The following RBMS3 variants were observed in gnomAD, a reference collection of about 807,000 sequenced individuals.
RBMS3 encodes RNA binding motif single stranded interacting protein 3.
Under a neutral mutation model 66.8 loss-of-function variants are expected in RBMS3, and 27 were observed. The observed-to-expected ratio is 0.40, with a 90% CI of 0.30 to 0.56. The LOEUF is 0.56. Ranked by LOEUF, RBMS3 falls within the 20% of genes least tolerant of loss-of-function variation. RBMS3 has a pLI of 0.40. For missense variants in RBMS3, 513 were observed against 549.5 expected, an observed-to-expected ratio of 0.93 and a Z score of 0.66; for synonymous variants, 188 against 183.0, an observed-to-expected ratio of 1.03 and a Z score of -0.22.
intron 12 of RBMS3, among the ~76,000 whole-genome samples, chr3:29,951,863 A>G (rs1213168023): frequency 2.0e-5 from 3 of 151,744 alleles, no homozygotes; most frequent in African/African-American, 7.2e-5. Context: ...ATGCACAGTG[A>G]AAAGATGACA....
At chr3:29,996,797 T>C (rs897552691) in intron 14 of RBMS3, among the ~76,000 whole-genome samples, 6 of 152,102 alleles carry the variant, frequency 3.9e-5, no homozygotes, top group Non-Finnish European at 8.8e-5. Context: ...TAGCACTAAA[T>C]GCCCACAAGA....
At chr3:29,505,988 G>A (rs2044168549) in intron 3 of RBMS3, among the ~76,000 whole-genome samples, 2 of 151,556 alleles carry the variant, frequency 1.3e-5, no homozygotes, top group South Asian at 2.1e-4. Flanking sequence ...AATTTTTTAG[G>A]CTACATTATA....
chr3:29,704,255 C>T (rs1406176792), intron 4 of RBMS3, among the ~76,000 whole-genome samples: 1 of 152,208 alleles, frequency 6.6e-6, no homozygotes, highest in Admixed American at 6.5e-5. Flanking sequence ...AAACTGGTCC[C>T]TGGTGCCGTA....
intron 3 of RBMS3, among the ~76,000 whole-genome samples, chr3:29,570,011 T>C: frequency 6.6e-6 from 1 of 152,046 alleles, no homozygotes; most frequent in Non-Finnish European, 1.5e-5. Flanking sequence ...TAAAATTGTA[T>C]GTATAATCTG....
chr3:29,848,503 G>A (rs762708838), intron 6 of RBMS3, among the ~76,000 whole-genome samples: 4 of 152,184 alleles, frequency 2.6e-5, no homozygotes, highest in Non-Finnish European at 5.9e-5. Context: ...CAACAAAAAA[G>A]TCCAGGGGGT....
At chr3:29,938,024 T>C (rs1208325508) in intron 11 of RBMS3, among the ~76,000 whole-genome samples, 1 of 151,936 alleles carries the variant, frequency 6.6e-6, no homozygotes, top group Non-Finnish European at 1.5e-5. Context: ...ATAGAAACTC[T>C]TTAAAATTTT....
chr3:29,568,084 G>C (rs1023356724), intron 3 of RBMS3, among the ~76,000 whole-genome samples: 1 of 152,108 alleles, frequency 6.6e-6, no homozygotes, highest in Non-Finnish European at 1.5e-5. Context: ...TGCATAAAAT[G>C]TTCACTGGAA....
At chr3:29,384,295 A>G (rs1252547890) in intron 1 of RBMS3, among the ~76,000 whole-genome samples, 2 of 152,116 alleles carry the variant, frequency 1.3e-5, no homozygotes, top group Non-Finnish European at 2.9e-5. Flanking sequence ...CAGCCTGGGC[A>G]TCAGAGTGAG....
At chr3:29,573,933 T>A (rs1347678555) in intron 3 of RBMS3, among the ~76,000 whole-genome samples, 1 of 152,216 alleles carries the variant, frequency 6.6e-6, no homozygotes, top group Admixed American at 6.5e-5. Flanking sequence ...ATACTTGATA[T>A]TTTTTCCATT....
intron 10 of RBMS3, among the ~76,000 whole-genome samples, chr3:29,934,660 T>C (rs2061219381): frequency 6.6e-6 from 1 of 152,120 alleles, no homozygotes; most frequent in African/African-American, 2.4e-5. Flanking sequence ...ATTTACAAGC[T>C]ACAGACCTTT....
chr3:29,555,449 A>G (rs62236001), intron 3 of RBMS3, among the ~76,000 whole-genome samples: 3 of 152,302 alleles, frequency 2.0e-5, no homozygotes, highest in Non-Finnish European at 4.4e-5. Context: ...CTGGAAATCC[A>G]AACTTAAATG....
intron 6 of RBMS3, among the ~76,000 whole-genome samples, chr3:29,813,455 C>T (rs570066174): frequency 3.3e-5 from 5 of 152,134 alleles, no homozygotes; most frequent in Admixed American, 1.3e-4. Context: ...ATTGACTTGG[C>T]GATGCGGGCT....
At chr3:29,824,915 A>G (rs2058167805) in intron 6 of RBMS3, among the ~76,000 whole-genome samples, 1 of 152,140 alleles carries the variant, frequency 6.6e-6, no homozygotes, top group Admixed American at 6.6e-5. Context: ...TTTTATCATC[A>G]CTTGGGTTTT....
chr3:29,517,637 A>G lies in RBMS3; in HGVS notation c.307+29138A>G, dbSNP rs1336787792. 2.0e-5 allele frequency among the ~76,000 whole-genome samples: 3 copies of G among 152,134 alleles called. No individual in the cohort carries two copies. The East Asian group carries it at 5.8e-4, about 29-fold the overall frequency. ...CGCGCCCGGCCCTACATGATCTCAT[A>G]TTCTTGCAGAGACAGTTGTCTACTG... is the stretch of plus-strand genomic sequence containing the variant. On this transcript the variant is annotated intron_variant, in intron 3 of 14. Coordinates refer to ENST00000383767, the MANE Select transcript of RBMS3 (RefSeq NM_001003793.3).
chr3:29,967,520 C>G (rs1423542788), intron 12 of RBMS3, among the ~76,000 whole-genome samples: 1 of 152,128 alleles, frequency 6.6e-6, no homozygotes, highest in Non-Finnish European at 1.5e-5. Flanking sequence ...TGGTCTTGAT[C>G]TCCTGACCTC....
At chr3:29,329,538 A>G (rs962002303) in intron 1 of RBMS3, among the ~76,000 whole-genome samples, 2 of 152,226 alleles carry the variant, frequency 1.3e-5, no homozygotes, top group East Asian at 3.9e-4. Flanking sequence ...AACTCGCAGA[A>G]TATCATATAG....
At chr3:29,890,836 C>T (rs540909296) in intron 8 of RBMS3, among the ~76,000 whole-genome samples, 3 of 151,356 alleles carry the variant, frequency 2.0e-5, no homozygotes, top group South Asian at 2.1e-4. Context: ...TAGGGTGAGA[C>T]GGAAACTTAT....
At chr3:29,827,432 A>G (rs2149483136) in intron 6 of RBMS3, among the ~76,000 whole-genome samples, 1 of 152,220 alleles carries the variant, frequency 6.6e-6, no homozygotes, top group South Asian at 2.1e-4. Context: ...TTTCCCTCAT[A>G]TCTATATTAC....
chr3:29,316,340 A>AATCT (rs1398210966), intron 1 of RBMS3, among the ~76,000 whole-genome samples: 1 of 151,756 alleles, frequency 6.6e-6, no homozygotes, highest in East Asian at 1.9e-4. Flanking sequence ...ATTATCAATG[A>AATCT]ATCTGTTCAT....
Sources: allele counts gnomAD v4.1 joint callset (sites outside exome capture counted in the v4.1 genomes callset), GRCh38; gene constraint gnomAD v4.1.1; transcripts MANE v1.5; gene names NCBI Gene and HGNC (gene_info 2026-07-23, HGNC 2026-07-21).